FMN1: variants seen among roughly 807,000 people sequenced by gnomAD.
FMN1 encodes formin 1.
FMN1 carries 110 observed loss-of-function variants against 132.4 expected under a neutral mutation model. The ratio of observed to expected loss-of-function variants is 0.83; its 90% CI spans 0.71 to 0.97. The LOEUF (loss-of-function observed/expected upper bound fraction) is 0.97, where lower values mean the gene tolerates loss of function less well. FMN1 is among the 50% of genes least tolerant of loss of function. The pLI is 0.00. For synonymous variants in FMN1, 722 were observed against 651.7 expected (o/e 1.11, Z -1.64); for missense variants, 1,792 against 1,705.3 (o/e 1.05, Z -0.90).
At chr15:33,067,700 C>T in intron 5 of FMN1, 5 of 1,614,014 alleles carry the variant, frequency 3.1e-6, no homozygotes, top group Non-Finnish European at 4.2e-6. Flanking sequence ...CACGTCTAAA[C>T]TATGGAATGC....
chr15:33,001,781 G>T (rs747652540), intron 7 of FMN1, among the ~76,000 whole-genome samples: 2 of 148,476 alleles, frequency 1.3e-5, no homozygotes, highest in African/African-American at 5.0e-5. Flanking sequence ...CTGCGGTGGT[G>T]CGCGCATGCA....
intron 5 of FMN1, chr15:33,068,152 C>A: frequency 1.7e-6 from 1 of 578,754 alleles, no homozygotes; most frequent in African/African-American, 1.9e-5. Flanking sequence ...TTACTACACA[C>A]GGACCAGGGA....
chr15:33,184,530 G>A (rs1193533953), intron 2 of FMN1, among the ~76,000 whole-genome samples: 1 of 137,566 alleles, frequency 7.3e-6, no homozygotes, highest in South Asian at 2.2e-4. Context: ...AGACAGAATC[G>A]CACTCCTTCT....
At position 32,855,254 on chromosome 15, in the gene FMN1, G is replaced by A. The variant is rs540172727; in HGVS notation, c.3928+1761C>T. Reference sequence around the variant, plus strand: ...TGATGATGGGTCTAGAGTTGGGCCCGGGTATCAAGATTTTAAAAAATCTCC... The same window carrying A: ...TGATGATGGGTCTAGAGTTGGGCCCAGGTATCAAGATTTTAAAAAATCTCC... On this transcript the variant is annotated intron_variant, in intron 17 of 20. Transcript: ENST00000616417. 7.3e-5 allele frequency among the ~76,000 whole-genome samples: 11 copies of A among 151,696 alleles called. No homozygotes were observed. The East Asian group carries it at 1.4e-3, about 19-fold the overall frequency.
intron 6 of FMN1, among the ~76,000 whole-genome samples, chr15:33,057,777 A>C (rs1361314691): frequency 1.3e-5 from 2 of 152,040 alleles, no homozygotes; most frequent in African/African-American, 4.8e-5. Flanking sequence ...AGTGCTTCCG[A>C]GTTTACCTAT....
intron 5 of FMN1, among the ~76,000 whole-genome samples, chr15:33,076,735 A>G (rs879131826): frequency 6.6e-6 from 1 of 152,128 alleles, no homozygotes; most frequent in Admixed American, 6.5e-5. Context: ...CTGATTCTAA[A>G]TGTTTCTTTT....
intron 7 of FMN1, among the ~76,000 whole-genome samples, chr15:32,986,460 A>T (rs543825061): frequency 1.4e-3 from 216 of 152,292 alleles, no homozygotes; most frequent in Non-Finnish European, 2.7e-3. Context: ...ATTCACAAAG[A>T]TCTGATGTAA....
At chr15:32,937,893 A>G (rs987612054) in intron 9 of FMN1, among the ~76,000 whole-genome samples, 2 of 152,248 alleles carry the variant, frequency 1.3e-5, no homozygotes, top group African/African-American at 4.8e-5. Context: ...GAAAGGAAAC[A>G]AATGGAGGAC....
At chr15:32,913,866 G>A (rs1230089430) in intron 10 of FMN1, among the ~76,000 whole-genome samples, 3 of 152,152 alleles carry the variant, frequency 2.0e-5, no homozygotes, top group Non-Finnish European at 1.5e-5. Flanking sequence ...GACTCCTGAA[G>A]ACTGAGTCCT....
At chr15:33,103,411 C>T (rs1358373774) in intron 4 of FMN1, among the ~76,000 whole-genome samples, 1 of 152,066 alleles carries the variant, frequency 6.6e-6, no homozygotes, top group African/African-American at 2.4e-5. Flanking sequence ...ACAATGGACT[C>T]AGAGCAGTGC....
At chr15:32,874,577 T>C (rs1393836614) in intron 16 of FMN1, among the ~76,000 whole-genome samples, 2 of 152,188 alleles carry the variant, frequency 1.3e-5, no homozygotes, top group Admixed American at 6.5e-5. Context: ...TCCCTCTGTT[T>C]ACCCTCTAAC....
intron 5 of FMN1, among the ~76,000 whole-genome samples, chr15:33,066,244 G>A (rs980399884): frequency 7.9e-5 from 12 of 152,150 alleles, no homozygotes; most frequent in Admixed American, 2.0e-4. Context: ...TACCATCAAC[G>A]TTTAAATTCA....
At chr15:33,073,799 C>T (rs2038092296) in intron 5 of FMN1, among the ~76,000 whole-genome samples, 1 of 151,060 alleles carries the variant, frequency 6.6e-6, no homozygotes, top group East Asian at 1.9e-4. Flanking sequence ...GGCACAATCA[C>T]TGCTCAGGCA....
intron 16 of FMN1, among the ~76,000 whole-genome samples, chr15:32,862,210 A>G (rs1454978153): frequency 6.6e-6 from 1 of 151,970 alleles, no homozygotes; most frequent in Admixed American, 6.6e-5. Flanking sequence ...CAGATCCACA[A>G]ATGTCCTTCA....
chr15:32,935,984 T>G (rs1329812721), intron 9 of FMN1, among the ~76,000 whole-genome samples: 5 of 152,128 alleles, frequency 3.3e-5, no homozygotes, highest in Non-Finnish European at 7.4e-5. Context: ...CGACCTCTCT[T>G]TATCTGATTC....
At chr15:33,004,555 T>C in intron 7 of FMN1, among the ~76,000 whole-genome samples, 1 of 152,146 alleles carries the variant, frequency 6.6e-6, no homozygotes, top group Non-Finnish European at 1.5e-5. Context: ...CTGGAGAGGA[T>C]GTGAAGAAAT....
chr15:33,026,782 T>A (rs1305132087), intron 6 of FMN1, among the ~76,000 whole-genome samples: 3 of 151,528 alleles, frequency 2.0e-5, no homozygotes, highest in Admixed American at 2.0e-4. Context: ...CGACAGAGAG[T>A]GGAATTTTCT....
At chr15:32,964,939 T>G (rs1181681038) in intron 8 of FMN1, among the ~76,000 whole-genome samples, 1 of 152,158 alleles carries the variant, frequency 6.6e-6, no homozygotes, top group African/African-American at 2.4e-5. Context: ...CTGTTTCATC[T>G]TCCAGAAACA....
intron 16 of FMN1, among the ~76,000 whole-genome samples, chr15:32,863,281 C>T (rs1567289718): frequency 1.3e-5 from 2 of 152,106 alleles, no homozygotes; most frequent in African/African-American, 2.4e-5. Flanking sequence ...ACTAAAAATA[C>T]AAAAAATTAG....
Sources: gnomAD v4.1 joint callset for allele counts (sites outside exome capture counted in the v4.1 genomes callset) on GRCh38, gnomAD v4.1.1 for gene constraint, MANE v1.5 for transcripts, NCBI Gene and HGNC (gene_info 2026-07-23, HGNC 2026-07-21) for gene names.